The following MON1A variants were observed in gnomAD, a reference collection of about 807,000 sequenced individuals.
MON1A encodes the protein MON1 vesicular trafficking associated A, also known as vacuolar fusion protein MON1 homolog A.
In MON1A, 29 loss-of-function variants were observed where a neutral mutation model predicts 44.6. That is an observed-to-expected ratio of 0.65 (90% CI 0.48 to 0.89). The LOEUF (loss-of-function observed/expected upper bound fraction) is 0.89, where lower values mean the gene tolerates loss of function less well. Among genes scored for constraint, MON1A ranks in the 40% least tolerant of loss-of-function variants. The pLI is 0.00. For missense variants in MON1A, 615 were observed against 759.6 expected (o/e 0.81, Z 2.24); for synonymous variants, 275 against 316.4 (o/e 0.87, Z 1.39).
chr3:49,909,092 G>A lies in MON1A; in HGVS notation c.1590C>T (p.Val530=). 6.2e-7 allele frequency: 1 copy of A among 1,613,774 alleles called. No homozygotes were observed. The highest frequency in any genetic ancestry group is 8.5e-7 in the Non-Finnish European group (1 of 1,179,784). ...YSPLGTKASA[V]SAIHKLMRWI... is the part of the protein sequence containing the mutation. ...AGCGCATCAGCTTATGGATGGCACTGACGGCTGACGCCTTGGTCCCCAGGG... is the reference window on the plus strand; with the variant it reads ...AGCGCATCAGCTTATGGATGGCACTAACGGCTGACGCCTTGGTCCCCAGGG... Residue 530 remains valine, a synonymous_variant, in exon 6 of 6, where the codon GTC becomes GTT. Transcript: ENST00000296473. The surrounding 1 kb of genome is among the most constrained non-coding windows in gnomAD (Gnocchi z 4.0).
At chr3:49,929,328 T>C in intron 1 of MON1A, 1 of 522,622 alleles carries the variant, frequency 1.9e-6, no homozygotes, top group Non-Finnish European at 3.4e-6. Flanking sequence ...ATGTGTACGT[T>C]TGTTGGCGGG....
At chr3:49,924,516 TA>T in intron 1 of MON1A, 1 of 288,778 alleles carries the variant, frequency 3.5e-6, no homozygotes, top group Non-Finnish European at 7.3e-6. Flanking sequence ...CCATCTCTAC[TA>T]AAAATACAAA....
chr3:49,927,828 G>C lies in MON1A; in HGVS notation c.-14+1781C>G, dbSNP rs532501675. On this transcript the variant is annotated intron_variant, in intron 1 of 5. Transcript: ENST00000296473. ...AGGCAGGAGAATCACTTGAACCCAG[G>C]GGGCAGAGGTTGCAGTGAGCTGATA... Among the ~76,000 whole-genome samples, 4 of 152,104 alleles carry C rather than the reference G, an allele frequency of 2.6e-5. No individual in the cohort carries two copies. In the East Asian group the frequency reaches 7.7e-4, roughly 29 times the overall value.
rs1385336731 is a variant in MON1A at position 49,921,342 on chromosome 3, T to C, written c.-13-7983A>G. On this transcript the variant is annotated intron_variant, in intron 1 of 5. Transcript: ENST00000296473. ...CCGGCTAATTTTTTGTATTTTTTAG[T>C]AGAGACGAGGTTTCACCGTGTTAGC... 2.7e-5 allele frequency among the ~76,000 whole-genome samples: 4 copies of C among 150,404 alleles called. No individual in the cohort carries two copies. In the East Asian group the frequency reaches 8.2e-4, roughly 31 times the overall value.
At chr3:49,921,221 G>A (rs2082993598) in intron 1 of MON1A, among the ~76,000 whole-genome samples, 1 of 150,772 alleles carries the variant, frequency 6.6e-6, no homozygotes. Context: ...GCAGTGGCGC[G>A]ATCTCAGCTC....
intron 1 of MON1A, among the ~76,000 whole-genome samples, chr3:49,917,731 C>T (rs925668083): frequency 1.1e-4 from 16 of 152,002 alleles, no homozygotes; most frequent in African/African-American, 3.9e-4. Context: ...TCCATTTCAC[C>T]GAGAAGACAG....
intron 1 of MON1A, chr3:49,924,763 A>G (rs2083039552): frequency 6.4e-6 from 1 of 156,910 alleles, no homozygotes; most frequent in South Asian, 1.6e-4. Context: ...CTCTTGGATC[A>G]TTCCCTCTAG....
chr3:49,922,560 AG>A (rs1228754262), intron 1 of MON1A, among the ~76,000 whole-genome samples: 2 of 140,198 alleles, frequency 1.4e-5, no homozygotes, highest in Non-Finnish European at 3.1e-5. Context: ...GGAAAGAAGG[AG>A]GGAAGGAAGG....
chr3:49,910,942 C>T lies in MON1A; in HGVS notation c.614-58G>A, dbSNP rs2108530150. ...CTCAGCGGCAGCTCCCTCCGAAAAC[C>T]GCCTTCCAGCGCAGCTCTTCGCTTT... On this transcript the variant is annotated intron_variant, in intron 3 of 5. Coordinates refer to ENST00000296473, the MANE Select transcript of MON1A (RefSeq NM_032355.4). The surrounding 1 kb of genome is among the most constrained non-coding windows in gnomAD (Gnocchi z 8.0). 6.7e-7 allele frequency: 1 copy of T among 1,493,294 alleles called. No individual in the cohort carries two copies. Among genetic ancestry groups the T allele is most frequent in the Non-Finnish European group, 9.0e-7 (1 of 1,105,686 alleles). The allele number at this position is 1,493,294 out of a possible 1,614,324, so 92.5% of individuals were successfully genotyped here. A position where few individuals can be genotyped will look rare whatever the true frequency, so the allele number is the denominator to read the frequency against.
At chr3:49,929,387 C>A in intron 1 of MON1A, 2 of 612,310 alleles carry the variant, frequency 3.3e-6, no homozygotes, top group South Asian at 3.9e-5. Flanking sequence ...TGCCCCCTAC[C>A]GGATCTCGCC....
At position 49,910,489 on chromosome 3, in the gene MON1A, C is replaced by T. The variant is rs1333026348; in HGVS notation, c.1009G>A (p.Asp337Asn). Residue 337 changes from aspartate to asparagine, a missense_variant, in exon 4 of 6, where the codon GAC (aspartate) becomes AAC (asparagine). By Grantham distance (23) the Asp-to-Asn change is conservative. Coordinates refer to ENST00000296473, the MANE Select transcript of MON1A (RefSeq NM_032355.4). This position sits in a 1 kb window ranked among gnomAD's most constrained non-coding sequence, Gnocchi z 8.0. Reference protein sequence around the residue: ...NQLVALVRRKDQFLHPIDLHL... With the variant: ...NQLVALVRRKNQFLHPIDLHL... ...AGGTCGATGGGGTGCAGAAATTGGT[C>T]CTTTCGGCGCACGAGTGCCACGAGC... The T allele has an allele frequency of 6.2e-7, 1 of 1,614,060 alleles. No homozygotes were observed. The highest frequency in any genetic ancestry group is 8.5e-7 in the Non-Finnish European group (1 of 1,179,968).
Position 49,909,057 on chromosome 3 carries a change from T to C in MON1A, c.1625A>G (p.Lys542Arg). 1 of 1,613,904 alleles carries C rather than the reference T, an allele frequency of 6.2e-7. No individual in the cohort carries two copies. Among genetic ancestry groups the C allele is most frequent in the Non-Finnish European group, 8.5e-7 (1 of 1,179,916 alleles). ...GAGAATGAAGAGGCGGTCTTCCTCT[T>C]TGCGGATCCAGCGCATCAGCTTATG... ...AIHKLMRWIR[K>R]EEDRLFILTP... The change falls in exon 6 of 6, where the codon AAA becomes AGA. Residue 542 changes from lysine (K) to arginine (R), a missense_variant. By Grantham distance (26) the Lys-to-Arg change is conservative. Coordinates refer to ENST00000296473, the MANE Select transcript of MON1A (RefSeq NM_032355.4). The surrounding 1 kb of genome is among the most constrained non-coding windows in gnomAD (Gnocchi z 4.0).
chr3:49,912,808 A>T (rs540645201), intron 2 of MON1A: 1 of 328,520 alleles, frequency 3.0e-6, no homozygotes, highest in Admixed American at 4.2e-5. Context: ...TGGGGATATA[A>T]CTGCTCTGCG....
chr3:49,929,489 C>T (rs2083076516), intron 1 of MON1A, 120 bp downstream of exon 1: 3 of 1,170,614 alleles, frequency 2.6e-6, no homozygotes, highest in African/African-American at 3.1e-5. Flanking sequence ...ACACAGTCTT[C>T]CCATTGCAAA....
rs1559491411 is a variant in MON1A, at chr3:49,910,579, T to A, written c.919A>T (p.Ser307Cys). The A allele has an allele frequency of 1.2e-6, 2 of 1,608,658 alleles. No individual in the cohort carries two copies. The highest frequency in any genetic ancestry group is 1.7e-6 in the Non-Finnish European group (2 of 1,177,354). ...GCACGCGCCTGCTGCAGGCTGGCGC[T>A]CACAGTGTCGCGCACGGCCGCCGCC... ...PLAAAVRDTV[S>C]ASLQQARARS... is the part of the protein sequence containing the mutation. Residue 307 changes from serine to cysteine, a missense_variant, in exon 4 of 6, where the codon AGC becomes TGC. Ser to Cys is a moderately radical substitution (Grantham distance 112, BLOSUM62 -1). Transcript: ENST00000296473. This position sits in a 1 kb window ranked among gnomAD's most constrained non-coding sequence, Gnocchi z 8.0.
chr3:49,913,277 G>A lies in MON1A; in HGVS notation c.70C>T (p.Gln24Ter). Residue 24 changes from glutamine to a stop codon, truncating the protein, a stop_gained, in exon 2 of 6, where the codon CAG (glutamine) becomes TAG (stop). Coordinates refer to ENST00000296473, the MANE Select transcript of MON1A (RefSeq NM_032355.4). LOFTEE classifies it high-confidence loss of function. ...GGGCTCTCAGCTCTCTCCATACTCT[G>A]TCCATCAGAAGGAGTCAATGTGCCA... Reference protein sequence around the residue: ...LDGTLTPSDGQSMERAESPTP... With the variant: ...LDGTLTPSDG 6.2e-7 allele frequency: 1 copy of A among 1,614,160 alleles called. No individual in the cohort carries two copies. Among genetic ancestry groups the A allele is most frequent in the Non-Finnish European group, 8.5e-7 (1 of 1,180,036 alleles).
chr3:49,929,416 G>GT, intron 1 of MON1A, 193 bp downstream of exon 1: 3 of 691,644 alleles, frequency 4.3e-6, no homozygotes, highest in Non-Finnish European at 7.4e-6. Context: ...CAAAGGATGG[G>GT]TTCCAGATCT....
At chr3:49,921,161 T>C (rs1463481913) in intron 1 of MON1A, among the ~76,000 whole-genome samples, 1 of 151,504 alleles carries the variant, frequency 6.6e-6, no homozygotes, top group African/African-American at 2.4e-5. Context: ...TGTCTCCTTT[T>C]TTTTTTCTTT....
Position 49,908,952 on chromosome 3 carries a change from G to A in MON1A, c.*62C>T, listed in dbSNP as rs1040176188. ...GGCAAGAGAGGCCAGCCCCCATCTGGAGGCTCCTATGGCTTCCCACACCTA... is the reference window on the plus strand; with the variant it reads ...GGCAAGAGAGGCCAGCCCCCATCTGAAGGCTCCTATGGCTTCCCACACCTA... On this transcript the variant is annotated 3_prime_UTR_variant, in exon 6 of 6. Transcript: ENST00000296473. The A allele has an allele frequency of 6.5e-7, 1 of 1,539,048 alleles. No individual in the cohort carries two copies. Among genetic ancestry groups the A allele is most frequent in the African/African-American group, 1.4e-5 (1 of 72,540 alleles).
Sources: allele counts gnomAD v4.1 joint callset (sites outside exome capture counted in the v4.1 genomes callset), GRCh38; gene constraint gnomAD v4.1.1; non-coding constraint Gnocchi (gnomAD v3.1); transcripts MANE v1.5; gene names NCBI Gene and HGNC (gene_info 2026-07-23, HGNC 2026-07-21).